The following ERICH1 variants were observed in gnomAD, a reference collection of about 807,000 sequenced individuals.
The protein encoded by ERICH1 is glutamate-rich protein 1.
Under a neutral mutation model 39.6 loss-of-function variants are expected in ERICH1, and 56 were observed. That is an observed-to-expected ratio of 1.41 (90% CI 1.14 to 1.77). The LOEUF is 1.77. ERICH1 is among the 40% of genes most tolerant of loss of function. The probability of loss-of-function intolerance (pLI) is 0.00; values close to 1 mark genes in which losing one functional copy is unlikely to be tolerated. For missense variants in ERICH1, 826 were observed against 575.4 expected (o/e 1.44, Z -4.45); for synonymous variants, 313 against 223.6 (o/e 1.40, Z -3.57).
chr8:615,281 A>G, exon 4 of ERICH1: 1 of 692,454 alleles, frequency 1.4e-6, no homozygotes, highest in Admixed American at 2.1e-5. Flanking sequence ...TCTGCTTAGG[A>G]CTCCTGGAAA....
chr8:619,208 T>G (rs1054783577), intron 3 of ERICH1, among the ~76,000 whole-genome samples: 2 of 152,034 alleles, frequency 1.3e-5, no homozygotes, highest in Non-Finnish European at 2.9e-5. Flanking sequence ...TGTTAAAATG[T>G]TGAAAGCCAA....
chr8:664,109 A>G, downstream of ERICH1: 1 of 451,666 alleles, frequency 2.2e-6, no homozygotes, highest in Non-Finnish European at 2.9e-6. Flanking sequence ...GACTGCTTCT[A>G]TGACAGAAAA....
rs565032649 is a variant in ERICH1 at position 648,473 on chromosome 8, T to C, written c.976+20125A>G. Among the ~76,000 whole-genome samples the C allele has an allele frequency of 4.6e-5, 2 of 43,730 alleles. 1 individual carries two copies. The highest frequency in any genetic ancestry group is 9.1e-4 in the East Asian group (2 of 2,204). The allele number at this position is 43,730 out of a possible 152,430, so 28.7% of individuals were successfully genotyped here. On this transcript the variant is annotated intron_variant, in intron 3 of 3. Transcript: ENST00000522706. Reference sequence around the variant, plus strand: ...TGGACACAAATCACACAGCTCCCTGTGGCTGAGGTCACCAGAGGAAAGAAA... The same window carrying C: ...TGGACACAAATCACACAGCTCCCTGCGGCTGAGGTCACCAGAGGAAAGAAA...
chr8:680,747 A>T (rs1304994415), intron 3 of ERICH1, among the ~76,000 whole-genome samples: 1 of 152,256 alleles, frequency 6.6e-6, no homozygotes, highest in East Asian at 1.9e-4. Flanking sequence ...ACTCAGGAGA[A>T]AAAGGAATGT....
chr8:628,187 G>T (rs1797709627), intron 3 of ERICH1, among the ~76,000 whole-genome samples: 2 of 152,228 alleles, frequency 1.3e-5, no homozygotes, highest in Admixed American at 6.5e-5. Flanking sequence ...GCTGTGTGTG[G>T]AAATTACGAA....
At chr8:671,717 C>CA (rs761324966) in intron 4 of ERICH1, 12 of 113,210 alleles carry the variant, frequency 1.1e-4, no homozygotes, top group East Asian at 5.1e-4. Context: ...CTGAACCTGC[C>CA]GCCCCGGCTC....
At chr8:642,963 G>A (rs966816665) in intron 3 of ERICH1, among the ~76,000 whole-genome samples, 47 of 152,246 alleles carry the variant, frequency 3.1e-4, no homozygotes, top group Non-Finnish European at 5.1e-4. Context: ...GGTGGGAGAC[G>A]CCGCCGAGTC....
At chr8:710,042 T>C (rs1814330395) in intron 2 of ERICH1, among the ~76,000 whole-genome samples, 1 of 152,236 alleles carries the variant, frequency 6.6e-6, no homozygotes, top group African/African-American at 2.4e-5. Flanking sequence ...GCCTGCTTCT[T>C]GTAAGGCATA....
intron 5 of ERICH1, chr8:666,729 C>G (rs779113869): frequency 6.6e-6 from 1 of 152,456 alleles, no homozygotes; most frequent in Non-Finnish European, 1.5e-5. Flanking sequence ...CTGCCCAGCA[C>G]TGCGCTCTGG....
At position 681,774 on chromosome 8, in the gene ERICH1, G is replaced by T. The variant is rs557425018; in HGVS notation, c.305-7727C>A. On this transcript the variant is annotated intron_variant, in intron 3 of 5. Transcript: ENST00000262109. ...TTACATCTGGGTGGAAAGATGGCCAGCAGAGACTGCCCGGCTGAGCCTTCG... is the reference window on the plus strand; with the variant it reads ...TTACATCTGGGTGGAAAGATGGCCATCAGAGACTGCCCGGCTGAGCCTTCG... 8.4e-4 allele frequency among the ~76,000 whole-genome samples: 128 copies of T among 152,340 alleles called. 1 individual carries two copies. Among genetic ancestry groups the T allele is most frequent in the Non-Finnish European group, 1.1e-3 (77 of 68,030 alleles).
intron 3 of ERICH1, among the ~76,000 whole-genome samples, chr8:638,056 T>C (rs1288322175): frequency 6.6e-6 from 1 of 152,256 alleles, no homozygotes; most frequent in Non-Finnish European, 1.5e-5. Flanking sequence ...GCCTGTTCTC[T>C]AGGAGGTCCT....
At chr8:683,810 C>T (rs1419950981) in intron 3 of ERICH1, among the ~76,000 whole-genome samples, 7 of 152,284 alleles carry the variant, frequency 4.6e-5, no homozygotes, top group Middle Eastern at 3.4e-3. Context: ...TGTGATCTGC[C>T]GCTAAGCTAA....
At chr8:655,199 G>C (rs1024072267) in intron 3 of ERICH1, among the ~76,000 whole-genome samples, 17 of 152,168 alleles carry the variant, frequency 1.1e-4, no homozygotes, top group African/African-American at 4.1e-4. Context: ...CTTCAGCTTC[G>C]CCTTTCTAAC....
intron 3 of ERICH1, among the ~76,000 whole-genome samples, chr8:651,125 T>C (rs111527755): frequency 0.011 from 1,709 of 152,296 alleles, 28 homozygotes; most frequent in African/African-American, 0.036. Flanking sequence ...CAGGCCAACA[T>C]TGATACTGCA....
At chr8:638,375 G>C (rs1207011104) in intron 3 of ERICH1, among the ~76,000 whole-genome samples, 1 of 152,202 alleles carries the variant, frequency 6.6e-6, no homozygotes, top group African/African-American at 2.4e-5. Flanking sequence ...ATGTTCTTCG[G>C]AGAGGAGGCC....
rs1196226550 is a variant in ERICH1 at position 645,282 on chromosome 8, G to A, written c.976+23316C>T. On this transcript the variant is annotated intron_variant, in intron 3 of 3. Coordinates refer to the ERICH1 transcript ENST00000522706. The stretch of plus-strand genomic sequence containing the variant: ...ACCCAGTCCCCCCCAGAAACATGAG[G>A]CCTGCGCCTGGGCCTTGTGGACTTT... Among the ~76,000 whole-genome samples the A allele has an allele frequency of 8.7e-5, 6 of 68,806 alleles. 3 individuals are homozygous for A. Among genetic ancestry groups the A allele is most frequent in the Non-Finnish European group, 2.7e-4 (6 of 21,944 alleles). 45.1% of individuals were successfully genotyped at this position (68,806 alleles called of 152,430 possible). A position where few individuals can be genotyped will look rare whatever the true frequency, so the allele number is the denominator to read the frequency against.
At chr8:671,006 G>A (rs1456699582) in intron 4 of ERICH1, among the ~76,000 whole-genome samples, 3 of 147,902 alleles carry the variant, frequency 2.0e-5, no homozygotes, top group Non-Finnish European at 4.5e-5. Flanking sequence ...CCCAGGCTCC[G>A]ACCTCTGAAC....
At chr8:639,734 A>T (rs1205356332) in intron 3 of ERICH1, among the ~76,000 whole-genome samples, 2 of 122,466 alleles carry the variant, frequency 1.6e-5, no homozygotes, top group African/African-American at 3.2e-5. Context: ...CAGTTAGCAG[A>T]CACAACCAAG....
chr8:708,305 G>A (rs372684285), intron 2 of ERICH1, among the ~76,000 whole-genome samples: 335 of 152,200 alleles, frequency 2.2e-3, no homozygotes, highest in Admixed American at 3.1e-3. Context: ...CAAGAGAATC[G>A]AAAACATACG....
Sources: gnomAD v4.1 joint callset for allele counts (sites outside exome capture counted in the v4.1 genomes callset) on GRCh38, gnomAD v4.1.1 for gene constraint, MANE v1.5 for transcripts, NCBI Gene and HGNC (gene_info 2026-07-23, HGNC 2026-07-21) for gene names.